Variants in SHANK2 observed in about 807,000 individuals in gnomAD.
SHANK2 encodes the protein SH3 and multiple ankyrin repeat domains protein 2.
In SHANK2, 43 loss-of-function variants were observed where a neutral mutation model predicts 133.7. The ratio of observed to expected loss-of-function variants is 0.32; its 90% CI spans 0.25 to 0.41. SHANK2 has a LOEUF of 0.41. SHANK2 is among the 10% of genes least tolerant of loss of function. The pLI, the probability that SHANK2 is intolerant of heterozygous loss-of-function variation, is 1.00. For synonymous variants in SHANK2, 1,017 were observed against 952.8 expected (o/e 1.07, Z -1.24); for missense variants, 1,994 against 2,235.8 (o/e 0.89, Z 2.18).
chr11:70,528,940 G>C (rs1554972674), intron 17 of SHANK2, among the ~76,000 whole-genome samples: 1 of 152,172 alleles, frequency 6.6e-6, no homozygotes, highest in Admixed American at 6.5e-5. Context: ...AGGCCCCCGT[G>C]ACGATTTCCC....
chr11:71,101,522 A>G (rs1951716231), intron 6 of SHANK2, among the ~76,000 whole-genome samples: 1 of 152,242 alleles, frequency 6.6e-6, no homozygotes, highest in Non-Finnish European at 1.5e-5. Flanking sequence ...CTTCATTGGC[A>G]CTGGGTAATT....
Position 71,093,055 on chromosome 11 carries a change from G to GGT in SHANK2, c.745-467_745-466insAC, listed in dbSNP as rs1465580630. On this transcript the variant is annotated intron_variant, in intron 7 of 25. Coordinates refer to ENST00000601538, the MANE Select transcript of SHANK2 (RefSeq NM_012309.5). ...AAAGCTCAGTCTCAAAAATAAAGGG[G>GGT]GGGGGGGGCAGGTATAACTTTAGAC... Among the ~76,000 whole-genome samples, 2 of 144,584 alleles carry GGT rather than the reference G, an allele frequency of 1.4e-5. 1 individual carries two copies. The highest frequency in any genetic ancestry group is 1.4e-4 in the Admixed American group (2 of 14,660). 94.9% of individuals were successfully genotyped at this position (144,584 alleles called of 152,430 possible).
At chr11:70,793,848 A>C (rs1343822650) in intron 14 of SHANK2, among the ~76,000 whole-genome samples, 1 of 152,214 alleles carries the variant, frequency 6.6e-6, no homozygotes, top group Non-Finnish European at 1.5e-5. Flanking sequence ...TATGTCCTTA[A>C]AAAGACTCAC....
chr11:70,844,291 T>C (rs1396633155), intron 11 of SHANK2, among the ~76,000 whole-genome samples: 1 of 152,156 alleles, frequency 6.6e-6, no homozygotes, highest in Non-Finnish European at 1.5e-5. Context: ...ATGCCTTGAA[T>C]AGCATTCAAG....
intron 10 of SHANK2, chr11:70,948,262 C>T (rs782164138): frequency 1.1e-4 from 49 of 456,882 alleles, no homozygotes; most frequent in African/African-American, 2.6e-4. Context: ...TTACCAACCC[C>T]GACATGTTGC....
chr11:71,251,404 G>A (rs1948176408), intron 1 of SHANK2, among the ~76,000 whole-genome samples: 1 of 152,102 alleles, frequency 6.6e-6, no homozygotes, highest in Non-Finnish European at 1.5e-5. Context: ...GCCCGCTGCG[G>A]TGGTCGCACC....
chr11:70,798,696 A>G, intron 13 of SHANK2, 140 bp from the exon 14 acceptor site: 1 of 629,406 alleles, frequency 1.6e-6, no homozygotes. Context: ...CTCTGGTGTG[A>G]CTGCACTTCC....
intron 11 of SHANK2, among the ~76,000 whole-genome samples, chr11:70,824,961 G>A (rs528450704): frequency 6.6e-6 from 1 of 152,224 alleles, no homozygotes; most frequent in African/African-American, 2.4e-5. Flanking sequence ...GAAAGCAGCC[G>A]CAGAGCCCCC....
chr11:70,801,725 C>A (rs1948051250), intron 13 of SHANK2, among the ~76,000 whole-genome samples: 1 of 152,074 alleles, frequency 6.6e-6, no homozygotes, highest in Non-Finnish European at 1.5e-5. Flanking sequence ...GCTGAGGGAT[C>A]CCGGGGACTC....
At chr11:70,518,707 G>A (rs1262585065) in intron 17 of SHANK2, among the ~76,000 whole-genome samples, 6 of 152,174 alleles carry the variant, frequency 3.9e-5, no homozygotes, top group African/African-American at 1.4e-4. Context: ...CAGGAGCCCC[G>A]GCACAGCTGC....
chr11:70,645,775 G>C (rs1305862869), intron 17 of SHANK2, among the ~76,000 whole-genome samples: 1 of 152,086 alleles, frequency 6.6e-6, no homozygotes, highest in African/African-American at 2.4e-5. Context: ...CCTGGGCTTT[G>C]AGTCCAGCAT....
intron 14 of SHANK2, among the ~76,000 whole-genome samples, chr11:70,745,081 C>G (rs782053876): frequency 2.0e-5 from 3 of 152,254 alleles, no homozygotes; most frequent in Non-Finnish European, 4.4e-5. Flanking sequence ...CGGCCAGGAC[C>G]TCCTCATCAA....
chr11:70,679,969 T>C (rs1464000274), intron 15 of SHANK2, among the ~76,000 whole-genome samples: 4 of 152,132 alleles, frequency 2.6e-5, no homozygotes, highest in African/African-American at 9.7e-5. Context: ...GGAAATGACT[T>C]GGGGTCCCAC....
Position 71,086,796 on chromosome 11 carries a change from C to A in SHANK2, c.912+5626G>T, listed in dbSNP as rs1031579282. 2.6e-3 allele frequency among the ~76,000 whole-genome samples: 390 copies of A among 152,240 alleles called. 2 individuals are homozygous for A. Among genetic ancestry groups the A allele is most frequent in the African/African-American group, 8.9e-3 (371 of 41,546 alleles). On this transcript the variant is annotated intron_variant, in intron 8 of 25. Transcript: ENST00000601538. ...TGTCCGCTGCTCCTGCAGGCCCGTG[C>A]AGGGCACCCGCACCCATCCCTTATC...
At chr11:70,503,081 A>T in intron 17 of SHANK2, 150 bp from the exon 18 acceptor site, 1 of 881,970 alleles carries the variant, frequency 1.1e-6, no homozygotes, top group Non-Finnish European at 1.9e-6. Context: ...TTGGAAGCAA[A>T]GGTGCTTTTG....
At chr11:71,217,154 G>A (rs985852981) in intron 2 of SHANK2, among the ~76,000 whole-genome samples, 1 of 151,794 alleles carries the variant, frequency 6.6e-6, no homozygotes, top group Admixed American at 6.6e-5. Context: ...TCAAGATCGT[G>A]CCATTGCACT....
intron 13 of SHANK2, among the ~76,000 whole-genome samples, chr11:70,803,286 A>ACATC (rs1164034336): frequency 1.0e-3 from 11 of 10,746 alleles, no homozygotes; most frequent in African/African-American, 3.5e-3. Context: ...ACTCAACCGC[A>ACATC]CATCCATCCA....
At chr11:70,751,438 G>A (rs2134894695) in intron 14 of SHANK2, among the ~76,000 whole-genome samples, 1 of 152,230 alleles carries the variant, frequency 6.6e-6, no homozygotes, top group Admixed American at 6.5e-5. Context: ...CAGGAATAAA[G>A]GTTAAATCAA....
rs1555092663 is a variant in SHANK2 at position 71,085,710 on chromosome 11, A to AT, written c.912+6711dup. 1.3e-4 allele frequency among the ~76,000 whole-genome samples: 8 copies of AT among 63,866 alleles called. No individual in the cohort carries two copies. The South Asian group carries it at 3.0e-3, about 24-fold the overall frequency. The allele number at this position is 63,866 out of a possible 152,430, so 41.9% of individuals were successfully genotyped here. On this transcript the variant is annotated intron_variant, in intron 8 of 25. Coordinates refer to ENST00000601538, the MANE Select transcript of SHANK2 (RefSeq NM_012309.5). ...TAATATATAACATATTATATGTTAT[A>AT]TATATTATATTATATAAAATATAAT...
Sources: allele counts gnomAD v4.1 joint callset (sites outside exome capture counted in the v4.1 genomes callset), GRCh38; gene constraint gnomAD v4.1.1; transcripts MANE v1.5; gene names NCBI Gene and HGNC (gene_info 2026-07-23, HGNC 2026-07-21).